The following EPHA1 variants were observed in gnomAD, a reference collection of about 807,000 sequenced individuals.
The protein encoded by EPHA1 is EPH receptor A1.
EPHA1 carries 92 observed loss-of-function variants against 110.1 expected under a neutral mutation model. That is an observed-to-expected ratio of 0.84 (90% CI 0.71 to 0.99). The LOEUF (loss-of-function observed/expected upper bound fraction) is 0.99, where lower values mean the gene tolerates loss of function less well. Among genes scored for constraint, EPHA1 ranks in the 50% least tolerant of loss-of-function variants. EPHA1 has a pLI of 0.00. For missense variants in EPHA1, 1,204 were observed against 1,285.4 expected (o/e 0.94, Z 0.97); for synonymous variants, 500 against 516.1 (o/e 0.97, Z 0.42).
intron 11 of EPHA1, 42 bp downstream of exon 11, chr7:143,396,343 C>T (rs377209363): frequency 5.6e-5 from 90 of 1,600,620 alleles, no homozygotes; most frequent in Non-Finnish European, 6.7e-5. Flanking sequence ...CTGTGCTGCC[C>T]CACATGGCGG....
At chr7:143,398,213 C>T in intron 7 of EPHA1, 108 bp downstream of exon 7, 1 of 1,581,078 alleles carries the variant, frequency 6.3e-7, no homozygotes, top group Non-Finnish European at 8.6e-7. Context: ...CTGAGAAAGC[C>T]ACACAGTGGA....
chr7:143,407,522 C>A lies in EPHA1; in HGVS notation c.150+89G>T, dbSNP rs920336643. 2.9e-6 allele frequency: 4 copies of A among 1,369,596 alleles called. No homozygotes were observed. The African/African-American group carries it at 5.8e-5, about 20-fold the overall frequency. 84.8% of individuals were successfully genotyped at this position (1,369,596 alleles called of 1,614,324 possible). On this transcript the variant is annotated intron_variant, in intron 2 of 17. Coordinates refer to ENST00000275815, the MANE Select transcript of EPHA1 (RefSeq NM_005232.5). ...GGAGACACTTCCAGTTTTTCCTGCT[C>A]TTTTCTCTGTTCCTCCACCCACCTC...
At position 143,391,791 on chromosome 7, in the gene EPHA1, A is replaced by G. The variant is rs112125381; in HGVS notation, c.2697-16T>C. ...AAGAGTCATCCTGTGGGACATGGGC[A>G]TGTCAGTCACAGCGGGTACATGGGC... On this transcript the variant is annotated splice_polypyrimidine_tract_variant and intron_variant, in intron 16 of 17. Coordinates refer to ENST00000275815, the MANE Select transcript of EPHA1 (RefSeq NM_005232.5). The G allele has an allele frequency of 4.6e-3, 7,364 of 1,612,796 alleles. 100 individuals carry two copies. The African/African-American group carries it at 0.046, about 10-fold the overall frequency.
At chr7:143,397,761 T>C (rs1223153238) in intron 8 of EPHA1, 104 bp from the exon 9 acceptor site, 1 of 1,519,318 alleles carries the variant, frequency 6.6e-7, no homozygotes, top group African/African-American at 1.4e-5. Flanking sequence ...GACCTTTCAG[T>C]GTGCATCAGG....
intron 2 of EPHA1, among the ~76,000 whole-genome samples, chr7:143,403,856 A>G (rs1805482096): frequency 6.6e-6 from 1 of 152,234 alleles, no homozygotes; most frequent in Non-Finnish European, 1.5e-5. Flanking sequence ...TTATCTGTCT[A>G]TAACCTTTGC....
intron 1 of EPHA1, 185 bp from the exon 2 acceptor site, chr7:143,407,863 T>C: frequency 1.1e-5 from 5 of 470,146 alleles, no homozygotes; most frequent in Non-Finnish European, 1.9e-5. Context: ...GGGATTTCAC[T>C]CTTCTTTGTG....
In EPHA1 at chr7:143,398,802, C is replaced by T. The variant is rs964228335; in HGVS notation, c.1135G>A (p.Asp379Asn). The T allele has an allele frequency of 4.3e-6, 7 of 1,613,618 alleles. No homozygotes were observed. The highest frequency in any genetic ancestry group is 5.9e-6 in the Non-Finnish European group (7 of 1,179,996). ...CCACAGGGCTGGCAGGGCCCCCCGT[C>T]CTGTGCTGTGCCCTGACACTGGGAA... Reference protein sequence around the residue: ...RCSQCQGTAQDGGPCQPCGVG... With the variant: ...RCSQCQGTAQNGGPCQPCGVG... The change falls in exon 6 of 18, where the codon GAC (aspartate) becomes AAC (asparagine). Residue 379 changes from aspartate (D) to asparagine (N), a missense_variant. Physicochemically the swap from Asp to Asn is conservative, Grantham distance 23 (BLOSUM62 1). Transcript: ENST00000275815.
At position 143,397,960 on chromosome 7, in the gene EPHA1, G is replaced by A; in HGVS notation, c.1575C>T (p.Gly525=). The change falls in exon 8 of 18, where the codon GGC becomes GGT. Residue 525 remains glycine (G), a synonymous_variant. Coordinates refer to ENST00000275815, the MANE Select transcript of EPHA1 (RefSeq NM_005232.5). ...GAAACTCATGATCAGGGGAGAAAGG[G>A]CCAGGACCCAGTGGGGTCAGCATTC... is the stretch of plus-strand genomic sequence containing the variant. ...RVRMLTPLGP[G]PFSPDHEFRT... 1 of 1,614,122 alleles carries A rather than the reference G, an allele frequency of 6.2e-7. No homozygotes were observed. The highest frequency in any genetic ancestry group is 8.5e-7 in the Non-Finnish European group (1 of 1,180,008).
rs1805063600 is a variant in EPHA1 at position 143,391,146 on chromosome 7, C to T, written c.*311G>A. 2.6e-6 allele frequency: 1 copy of T among 381,004 alleles called. No homozygotes were observed. Among genetic ancestry groups the T allele is most frequent in the Non-Finnish European group, 4.8e-6 (1 of 209,068 alleles). 23.6% of individuals were successfully genotyped at this position (381,004 alleles called of 1,614,324 possible). On this transcript the variant is annotated 3_prime_UTR_variant, in exon 18 of 18. Coordinates refer to ENST00000275815, the MANE Select transcript of EPHA1 (RefSeq NM_005232.5). ...GTCAGCTCTTTTGTAGTGCCTGCAG[C>T]CCTCATGGGTGGGATGGAGGCAGAA...
chr7:143,398,497 A>C (rs756566131), intron 6 of EPHA1, 49 bp from the exon 7 acceptor site: 1 of 1,611,650 alleles, frequency 6.2e-7, no homozygotes, highest in Non-Finnish European at 8.5e-7. Flanking sequence ...AAAGGAAATA[A>C]CCTTAGTAAC....
chr7:143,395,076 AC>A lies in EPHA1; in HGVS notation c.2145+44del. 6.2e-7 allele frequency: 1 copy of A among 1,613,306 alleles called. No individual in the cohort carries two copies. The highest frequency in any genetic ancestry group is 1.1e-5 in the South Asian group (1 of 91,050). Reference sequence around the variant, plus strand: ...CAGGTCTCCTCCCAGTGCCCAGGGTACCATGGTGCATCCCCCTCCCCAGCTA... The same window carrying A: ...CAGGTCTCCTCCCAGTGCCCAGGGTACATGGTGCATCCCCCTCCCCAGCTA... On this transcript the variant is annotated intron_variant, in intron 13 of 17. Transcript: ENST00000275815. The surrounding 1 kb of genome is among the most constrained non-coding windows in gnomAD (Gnocchi z 4.7).
At position 143,391,196 on chromosome 7, in the gene EPHA1, A is replaced by T; in HGVS notation, c.*261T>A. 4.5e-6 allele frequency: 2 copies of T among 447,074 alleles called. No individual in the cohort carries two copies. The highest frequency in any genetic ancestry group is 7.9e-6 in the Non-Finnish European group (2 of 251,892). 27.7% of individuals were successfully genotyped at this position (447,074 alleles called of 1,614,324 possible). On this transcript the variant is annotated 3_prime_UTR_variant, in exon 18 of 18. Transcript: ENST00000275815. ...AAATCAGTTCCTGTTTATTTACAAAAATATATATATGTGTATGTATGTATA... is the reference window on the plus strand; with the variant it reads ...AAATCAGTTCCTGTTTATTTACAAATATATATATATGTGTATGTATGTATA...
In EPHA1 at chr7:143,391,335, A is replaced by G. The variant is rs1805070847; in HGVS notation, c.*122T>C. The G allele has an allele frequency of 8.4e-7, 1 of 1,195,172 alleles. No individual in the cohort carries two copies. The highest frequency in any genetic ancestry group is 1.5e-5 in the African/African-American group (1 of 65,898). The allele number at this position is 1,195,172 out of a possible 1,614,324, so 74.0% of individuals were successfully genotyped here. A position where few individuals can be genotyped will look rare whatever the true frequency, so the allele number is the denominator to read the frequency against. On this transcript the variant is annotated 3_prime_UTR_variant, in exon 18 of 18. Coordinates refer to ENST00000275815, the MANE Select transcript of EPHA1 (RefSeq NM_005232.5). ...GAGCAGGGTTCTCCTGAAAGTGGGC[A>G]GAAGCAGCACCGATAGCCTAGTCTG...
intron 15 of EPHA1, 92 bp downstream of exon 15, chr7:143,394,102 A>G (rs1191428143): frequency 6.8e-7 from 1 of 1,480,210 alleles, no homozygotes; most frequent in Non-Finnish European, 9.1e-7. Flanking sequence ...GAATAAATAA[A>G]GATATTTGCA....
At chr7:143,399,190 C>A in intron 5 of EPHA1, 68 bp downstream of exon 5, 1 of 1,561,378 alleles carries the variant, frequency 6.4e-7, no homozygotes, top group South Asian at 1.2e-5. Flanking sequence ...AAAATCCAAC[C>A]CTGACAAAGT....
chr7:143,397,594 G>C lies in EPHA1; in HGVS notation c.1679C>G (p.Ala560Gly), dbSNP rs1250670366. The C allele has an allele frequency of 3.1e-6, 5 of 1,613,952 alleles. No individual in the cohort carries two copies. Among genetic ancestry groups the C allele is most frequent in the Middle Eastern group, 1.6e-4 (1 of 6,084 alleles). ...GAAAACGAGAATCCCAAGCAGCAAG[G>C]CTGCACCAAGCAGCAGCCCAAAGAT... ...AVIFGLLLGA[A>G]LLLGILVFRS... The change falls in exon 9 of 18, where the codon GCC becomes GGC. Residue 560 changes from alanine to glycine, a missense_variant. Physicochemically the swap from Ala to Gly is moderately conservative, Grantham distance 60. Transcript: ENST00000275815.
Position 143,395,051 on chromosome 7 carries a change from C to A in EPHA1, c.2146-37G>T. On this transcript the variant is annotated intron_variant, in intron 13 of 17. Transcript: ENST00000275815. This position sits in a 1 kb window ranked among gnomAD's most constrained non-coding sequence, Gnocchi z 4.7. ...TGAGTGGGTGAGTCAGGGGATGGGC[C>A]AGGTCTCCTCCCAGTGCCCAGGGTA... 6.2e-7 allele frequency: 1 copy of A among 1,613,878 alleles called. No homozygotes were observed. The highest frequency in any genetic ancestry group is 8.5e-7 in the Non-Finnish European group (1 of 1,179,914).
At position 143,391,512 on chromosome 7, in the gene EPHA1, G is replaced by A. The variant is rs61732998; in HGVS notation, c.2876C>T (p.Thr959Ile). Residue 959 changes from threonine to isoleucine, a missense_variant, in exon 18 of 18, where the codon ACA becomes ATA. By Grantham distance (89) the Thr-to-Ile change is moderately conservative. Coordinates refer to ENST00000275815, the MANE Select transcript of EPHA1 (RefSeq NM_005232.5). The part of the protein sequence containing the change: ...TAEDLTQMGI[T>I]LPGHQKRILC... ...AATGCGCTTCTGGTGCCCGGGCAGT[G>A]TGATTCCCATCTGCGTCAGGTCCCT... 8.2e-5 allele frequency: 133 copies of A among 1,614,200 alleles called. No individual in the cohort carries two copies. The African/African-American group carries it at 1.6e-3, about 19-fold the overall frequency.
intron 16 of EPHA1, among the ~76,000 whole-genome samples, chr7:143,392,855 T>C (rs1486528537): frequency 6.6e-6 from 1 of 151,830 alleles, no homozygotes; most frequent in Admixed American, 6.6e-5. Context: ...GACAGGAGAA[T>C]CACTTGAACC....
Sources: allele counts gnomAD v4.1 joint callset (sites outside exome capture counted in the v4.1 genomes callset), GRCh38; gene constraint gnomAD v4.1.1; non-coding constraint Gnocchi (gnomAD v3.1); transcripts MANE v1.5; gene names NCBI Gene and HGNC (gene_info 2026-07-23, HGNC 2026-07-21).